The following NCL variants were observed in gnomAD, a reference collection of about 807,000 sequenced individuals.
The protein encoded by NCL is nucleolin multifunctional protein.
NCL carries 4 observed loss-of-function variants against 77.7 expected under a neutral mutation model. The ratio of observed to expected loss-of-function variants is 0.05; its 90% CI spans 0.03 to 0.12. The LOEUF (loss-of-function observed/expected upper bound fraction) is 0.12. Ranked by LOEUF, NCL falls within the 10% of genes least tolerant of loss-of-function variation. The pLI, the probability that NCL is intolerant of heterozygous loss-of-function variation, is 1.00. For synonymous variants in NCL, 344 were observed against 297.8 expected (o/e 1.16, Z -1.60); for missense variants, 763 against 860.9 (o/e 0.89, Z 1.42).
intron 11 of NCL, 129 bp from the exon 12 acceptor site, chr2:231,456,265 C>T: frequency 8.6e-7 from 1 of 1,160,252 alleles, no homozygotes; most frequent in South Asian, 1.5e-5. Flanking sequence ...AGCAACTAAG[C>T]CAACTAGTCC....
At chr2:231,457,389 T>A in intron 9 of NCL, 1 of 748,184 alleles carries the variant, frequency 1.3e-6, no homozygotes. Context: ...TCAAGTCATT[T>A]AAAGTATAAA....
chr2:231,459,824 T>C (rs1314773792), intron 6 of NCL, among the ~76,000 whole-genome samples: 1 of 151,678 alleles, frequency 6.6e-6, no homozygotes, highest in Non-Finnish European at 1.5e-5. Flanking sequence ...GGAGAATCGC[T>C]TGAACCCGGG....
Position 231,461,547 on chromosome 2 carries a change from C to CTCATCG in NCL, c.600_605dup (p.Asp200_Asp201dup), listed in dbSNP as rs752592102. On this transcript the variant is annotated inframe_insertion, in exon 3 of 14. Coordinates refer to ENST00000322723, the MANE Select transcript of NCL (RefSeq NM_005381.3). ...ACCAAGACAACTCCTTACCATCTTCCTCATCGTCATCGTCATCCTCATCAT... is the reference window on the plus strand; with the variant it reads ...ACCAAGACAACTCCTTACCATCTTCCTCATCGTCATCGTCATCGTCATCCTCATCAT... The CTCATCG allele has an allele frequency of 1.5e-4, 242 of 1,613,478 alleles. 2 individuals are homozygous for CTCATCG. The African/African-American group carries it at 2.8e-3, about 19-fold the overall frequency.
chr2:231,460,989 T>C, intron 3 of NCL, 123 bp from the exon 4 acceptor site: 1 of 838,154 alleles, frequency 1.2e-6, no homozygotes, highest in East Asian at 2.5e-5. Context: ...CAAGAATAGA[T>C]CACTTGGGGC....
At chr2:231,461,336 C>A (rs1337290961) in intron 3 of NCL, among the ~76,000 whole-genome samples, 1 of 151,648 alleles carries the variant, frequency 6.6e-6, no homozygotes, top group Non-Finnish European at 1.5e-5. Flanking sequence ...ATAAAAAACA[C>A]TAATAGAATG....
At chr2:231,460,038 G>C in intron 6 of NCL, 114 bp downstream of exon 6, 1 of 1,210,744 alleles carries the variant, frequency 8.3e-7, no homozygotes, top group Non-Finnish European at 1.2e-6. Flanking sequence ...GCTAATCCTT[G>C]AAGATGTTTA....
At chr2:231,459,759 T>C (rs1049268402) in intron 6 of NCL, among the ~76,000 whole-genome samples, 19 of 151,328 alleles carry the variant, frequency 1.3e-4, no homozygotes, top group Non-Finnish European at 2.2e-4. Flanking sequence ...ATACAAAAAT[T>C]AGCCAGGCAT....
intron 2 of NCL, chr2:231,462,618 T>TA (rs1327953424): frequency 4.0e-6 from 2 of 498,272 alleles, no homozygotes; most frequent in African/African-American, 3.9e-5. Context: ...TGTGGAAGAG[T>TA]AAAACTTTCA....
chr2:231,463,985 A>G (rs749807498), intron 1 of NCL: 28 of 518,456 alleles, frequency 5.4e-5, no homozygotes, highest in Middle Eastern at 8.4e-4. Context: ...GGCGCGGCCC[A>G]CGTGGCAGGC....
At chr2:231,458,851 T>C (rs2046918893) in intron 7 of NCL, 150 bp downstream of exon 7, 21 of 848,778 alleles carry the variant, frequency 2.5e-5, no homozygotes, top group Non-Finnish European at 3.5e-5. Flanking sequence ...GTAAACACTG[T>C]AGCTCATTTA....
chr2:231,458,415 T>C (rs374015314), intron 7 of NCL, 26 bp from the exon 8 acceptor site: 171 of 1,605,512 alleles, frequency 1.1e-4, no homozygotes, highest in Non-Finnish European at 1.4e-4. Context: ...AAAAATGAGC[T>C]CTGTGGCCTG....
At chr2:231,455,960 G>A in intron 12 of NCL, 50 bp downstream of exon 12, 1 of 1,613,802 alleles carries the variant, frequency 6.2e-7, no homozygotes, top group Non-Finnish European at 8.5e-7. Flanking sequence ...GGTCTGCACA[G>A]AACAAAAACC....
intron 8 of NCL, 41 bp downstream of exon 8, chr2:231,458,225 A>G: frequency 1.3e-6 from 2 of 1,588,948 alleles, no homozygotes; most frequent in Non-Finnish European, 1.7e-6. Context: ...AAAGTGCATT[A>G]ATGTTAATAA....
At position 231,460,701 on chromosome 2, in the gene NCL, TCTTCATCA is replaced by T; in HGVS notation, c.771_778del (p.Asp257GlufsTer2). On this transcript the variant is annotated frameshift_variant, in exon 4 of 14. Transcript: ENST00000322723. LOFTEE classifies it high-confidence loss of function. ...CTCCTCTTCTTCCTCCTCCTCATCA[TCTTCATCA>T]TCATCATCTTCATCATCTTCGTCGT... 1 of 1,609,416 alleles carries T rather than the reference TCTTCATCA, an allele frequency of 6.2e-7. No individual in the cohort carries two copies. The highest frequency in any genetic ancestry group is 1.3e-5 in the African/African-American group (1 of 74,732).
chr2:231,458,872 TAA>T (rs2046919192), intron 7 of NCL, 127 bp downstream of exon 7: 1 of 1,040,162 alleles, frequency 9.6e-7, no homozygotes, highest in Non-Finnish European at 1.3e-6. Flanking sequence ...ATTCCCACAT[TAA>T]GAGGAAACCA....
In NCL at chr2:231,461,597, C is replaced by A. The variant is rs766621375; in HGVS notation, c.556G>T (p.Asp186Tyr). Reference protein sequence around the residue: ...KAAAAAPASEDEDDEDDEDDE... With the variant: ...KAAAAAPASEYEDDEDDEDDE... ...TCTTCGTCATCCTCATCGTCCTCAT[C>A]CTCTGAGGCAGGGGCAGCAGCTGCT... is the stretch of plus-strand genomic sequence containing the variant. Residue 186 changes from aspartate (D) to tyrosine (Y), a missense_variant, in exon 3 of 14, where the codon GAT (aspartate) becomes TAT (tyrosine). Physicochemically the swap from Asp to Tyr is radical, Grantham distance 160. This residue lies in a region of NCL where 590 missense variants were observed against 570.5 expected (regional missense o/e 1.03). Transcript: ENST00000322723. The A allele has an allele frequency of 2.8e-5, 45 of 1,605,868 alleles. No individual in the cohort carries two copies. Among genetic ancestry groups the A allele is most frequent in the Non-Finnish European group, 3.6e-5 (42 of 1,172,500 alleles).
At position 231,460,417 on chromosome 2, in the gene NCL, C is replaced by T. The variant is rs746814429; in HGVS notation, c.898+61G>A. On this transcript the variant is annotated intron_variant, in intron 5 of 13. Coordinates refer to ENST00000322723, the MANE Select transcript of NCL (RefSeq NM_005381.3). The stretch of plus-strand genomic sequence containing the variant: ...TAACATCAGGTTTCAGTATTAAGTC[C>T]CTTTGTTATTCATCATTTGTGCTGT... The T allele has an allele frequency of 2.3e-5, 36 of 1,588,852 alleles. No homozygotes were observed. The African/African-American group carries it at 4.3e-4, about 19-fold the overall frequency.
At position 231,454,818 on chromosome 2, in the gene NCL, T is replaced by C. The variant is rs1323055208; in HGVS notation, c.*373A>G. ...CAAAAACCATGATAAAACATTCTGC[T>C]TTCTTTTCTTTTACAACCCCACGAA... On this transcript the variant is annotated 3_prime_UTR_variant, in exon 14 of 14. Coordinates refer to ENST00000322723, the MANE Select transcript of NCL (RefSeq NM_005381.3). The C allele has an allele frequency of 5.7e-6, 1 of 173,920 alleles. No individual in the cohort carries two copies. The highest frequency in any genetic ancestry group is 1.4e-4 in the South Asian group (1 of 7,196). The allele number at this position is 173,920 out of a possible 1,614,324, so 10.8% of individuals were successfully genotyped here. A position where few individuals can be genotyped will look rare whatever the true frequency, so the allele number is the denominator to read the frequency against.
At chr2:231,462,976 G>T in intron 2 of NCL, 1 of 514,706 alleles carries the variant, frequency 1.9e-6, no homozygotes, top group Non-Finnish European at 3.4e-6. Flanking sequence ...AAGCCCTGCA[G>T]AGGAACATGT....
Sources: allele counts gnomAD v4.1 joint callset (sites outside exome capture counted in the v4.1 genomes callset), GRCh38; gene constraint gnomAD v4.1.1; regional missense constraint gnomAD v4.1.1; transcripts MANE v1.5; gene names NCBI Gene and HGNC (gene_info 2026-07-23, HGNC 2026-07-21).